The following TRAPPC8 variants were observed in gnomAD, a reference collection of about 807,000 sequenced individuals.
TRAPPC8 encodes trafficking protein particle complex subunit 8.
TRAPPC8 carries 54 observed loss-of-function variants against 174.3 expected under a neutral mutation model. The ratio of observed to expected loss-of-function variants is 0.31; its 90% CI spans 0.25 to 0.39. The LOEUF (loss-of-function observed/expected upper bound fraction) is 0.39. Ranked by LOEUF, TRAPPC8 falls within the 10% of genes least tolerant of loss-of-function variation. The pLI, the probability that TRAPPC8 is intolerant of heterozygous loss-of-function variation, is 1.00. For missense variants in TRAPPC8, 1,531 were observed against 1,699.1 expected, an observed-to-expected ratio of 0.90 and a Z score of 1.74; for synonymous variants, 630 against 579.9, an observed-to-expected ratio of 1.09 and a Z score of -1.24.
chr18:31,931,866 G>A (rs1436208850), intron 1 of TRAPPC8, among the ~76,000 whole-genome samples: 3 of 152,174 alleles, frequency 2.0e-5, no homozygotes, highest in African/African-American at 7.2e-5. Context: ...CCAAGGCAGC[G>A]TAAGGTCTAT....
intron 1 of TRAPPC8, among the ~76,000 whole-genome samples, chr18:31,936,295 C>CA (rs35609965): frequency 7.3e-5 from 11 of 151,218 alleles, no homozygotes; most frequent in Non-Finnish European, 1.3e-4. Flanking sequence ...CCCATCTCTA[C>CA]AAAAAAAATT....
Position 31,920,706 on chromosome 18 carries a change from G to A in TRAPPC8, c.353-3039C>T, listed in dbSNP as rs572031859. 1.4e-4 allele frequency among the ~76,000 whole-genome samples: 21 copies of A among 152,150 alleles called. 1 individual carries two copies. The South Asian group carries it at 2.3e-3, about 17-fold the overall frequency. ...TGTAATCCCAACACTTTGGGAGGCC[G>A]AGGCAGGCGGATCACCTGACGTCAG... On this transcript the variant is annotated intron_variant, in intron 2 of 28. Transcript: ENST00000283351.
At chr18:31,932,887 C>T (rs1051391578) in intron 1 of TRAPPC8, among the ~76,000 whole-genome samples, 2 of 149,352 alleles carry the variant, frequency 1.3e-5, no homozygotes, top group South Asian at 4.2e-4. Flanking sequence ...GACGCTGAGG[C>T]AGGAGAATCA....
chr18:31,919,386 A>T (rs1220210807), intron 2 of TRAPPC8, among the ~76,000 whole-genome samples: 1 of 151,800 alleles, frequency 6.6e-6, no homozygotes, highest in Non-Finnish European at 1.5e-5. Context: ...TACAAAAATT[A>T]GCCAGGCATG....
chr18:31,903,427 T>A (rs552886135), intron 9 of TRAPPC8, among the ~76,000 whole-genome samples: 1 of 152,334 alleles, frequency 6.6e-6, no homozygotes, highest in East Asian at 1.9e-4. Context: ...CTTTGGGTTA[T>A]GGTGTATATA....
At chr18:31,850,306 A>G (rs1054051375) in intron 24 of TRAPPC8, among the ~76,000 whole-genome samples, 19 of 152,322 alleles carry the variant, frequency 1.2e-4, no homozygotes, top group African/African-American at 4.3e-4. Flanking sequence ...CTACGCTCCC[A>G]TAACATTAGC....
chr18:31,861,296 T>TC (rs1366615743), intron 19 of TRAPPC8, among the ~76,000 whole-genome samples: 1 of 152,152 alleles, frequency 6.6e-6, no homozygotes, highest in African/African-American at 2.4e-5. Flanking sequence ...TAAAATACCC[T>TC]CTTCAAGAAC....
At chr18:31,846,908 T>G in intron 25 of TRAPPC8, 91 bp from the exon 26 acceptor site, 1 of 763,334 alleles carries the variant, frequency 1.3e-6, no homozygotes, top group South Asian at 2.3e-5. Flanking sequence ...GGAAATAATA[T>G]GGCCAATATC....
rs543693430 is a variant in TRAPPC8, at chr18:31,873,646, T to C, written c.1954-108A>G. Reference sequence around the variant, plus strand: ...GCATTAAAAATATGTTAAGCAAGAATATTAAGATATGTAATTACTAGTTTT... The same window carrying C: ...GCATTAAAAATATGTTAAGCAAGAACATTAAGATATGTAATTACTAGTTTT... On this transcript the variant is annotated intron_variant, in intron 13 of 28. Coordinates refer to ENST00000283351, the MANE Select transcript of TRAPPC8 (RefSeq NM_014939.5). 1.8e-4 allele frequency: 129 copies of C among 699,596 alleles called. No individual in the cohort carries two copies. The South Asian group carries it at 2.5e-3, about 14-fold the overall frequency. 43.3% of individuals were successfully genotyped at this position (699,596 alleles called of 1,614,324 possible). A position where few individuals can be genotyped will look rare whatever the true frequency, so the allele number is the denominator to read the frequency against.
At chr18:31,922,147 CCTT>C (rs2037417517) in intron 2 of TRAPPC8, among the ~76,000 whole-genome samples, 1 of 152,118 alleles carries the variant, frequency 6.6e-6, no homozygotes, top group African/African-American at 2.4e-5. Context: ...AGAGGACAAG[CCTT>C]CTCTGTATCT....
chr18:31,907,489 G>T lies in TRAPPC8; in HGVS notation c.1360C>A (p.Gln454Lys). 2.5e-6 allele frequency: 4 copies of T among 1,602,482 alleles called. No homozygotes were observed. Among genetic ancestry groups the T allele is most frequent in the Non-Finnish European group, 3.4e-6 (4 of 1,173,016 alleles). ...GCACCAGCTGCATAAAGCATTGCTT[G>T]ATCATTAAGAAAATCTTTCTTTGCA... is the stretch of plus-strand genomic sequence containing the variant. ...HTAKKDFLND[Q>K]AMLYAAGALE... The change falls in exon 9 of 29, where the codon CAA becomes AAA. Residue 454 changes from glutamine (Q) to lysine (K), a missense_variant. Gln to Lys is a moderately conservative substitution (Grantham distance 53). Transcript: ENST00000283351.
At position 31,872,848 on chromosome 18, in the gene TRAPPC8, TAAC is replaced by T. The variant is rs1171975340; in HGVS notation, c.2062+579_2062+581del. On this transcript the variant is annotated intron_variant, in intron 14 of 28. Coordinates refer to ENST00000283351, the MANE Select transcript of TRAPPC8 (RefSeq NM_014939.5). The stretch of plus-strand genomic sequence containing the variant: ...TTAAACGTTTATGAAGATTATATAA[TAAC>T]AAAAGCATTCTTTAAGTGAGAAAAG... Among the ~76,000 whole-genome samples, 6 of 152,264 alleles carry T rather than the reference TAAC, an allele frequency of 3.9e-5. No individual in the cohort carries two copies. In the South Asian group the frequency reaches 8.3e-4, roughly 21 times the overall value.
chr18:31,857,117 T>C (rs1197826614), intron 20 of TRAPPC8, among the ~76,000 whole-genome samples: 2 of 152,202 alleles, frequency 1.3e-5, no homozygotes, highest in Non-Finnish European at 2.9e-5. Flanking sequence ...TTTTCATACA[T>C]TCTTGTGGGG....
At chr18:31,921,610 C>T (rs1271998692) in intron 2 of TRAPPC8, among the ~76,000 whole-genome samples, 2 of 146,362 alleles carry the variant, frequency 1.4e-5, no homozygotes, top group East Asian at 2.0e-4. Context: ...CAGAGCGAGA[C>T]TCCGTCTCAA....
rs2032310623 is a variant in TRAPPC8, at chr18:31,830,744, T to C, written c.*11A>G. On this transcript the variant is annotated 3_prime_UTR_variant, in exon 29 of 29. Transcript: ENST00000283351. ...TGATTATTGTGGATTTCAGTACAAATTTCCAAGTTGTCACACATTACTGAT... is the reference window on the plus strand; with the variant it reads ...TGATTATTGTGGATTTCAGTACAAACTTCCAAGTTGTCACACATTACTGAT... 2 of 1,605,744 alleles carry C rather than the reference T, an allele frequency of 1.2e-6. No individual in the cohort carries two copies. The highest frequency in any genetic ancestry group is 1.7e-6 in the Non-Finnish European group (2 of 1,173,880).
rs1173951203 is a variant in TRAPPC8 at position 31,852,475 on chromosome 18, A to C, written c.3532T>G (p.Phe1178Val). 4.3e-6 allele frequency: 7 copies of C among 1,614,076 alleles called. No individual in the cohort carries two copies. The highest frequency in any genetic ancestry group is 5.1e-6 in the Non-Finnish European group (6 of 1,180,044). Residue 1178 changes from phenylalanine (F) to valine (V), a missense_variant, in exon 24 of 29, where the codon TTT (phenylalanine) becomes GTT (valine). Transcript: ENST00000283351. Reference sequence around the variant, plus strand: ...TCATTTCCAAAGATGATATCTGCAAAGGTATATTTTTCAGAGGACTGTGTG... The same window carrying C: ...TCATTTCCAAAGATGATATCTGCAACGGTATATTTTTCAGAGGACTGTGTG... ...AATQSSEKYT[F>V]ADIIFGNEQI...
At chr18:31,898,005 T>TA (rs1256256057) in intron 10 of TRAPPC8, 114 bp from the exon 11 acceptor site, 2 of 901,614 alleles carry the variant, frequency 2.2e-6, no homozygotes, top group Non-Finnish European at 3.3e-6. Flanking sequence ...TGCAGGGAGA[T>TA]GGTTCCAGGA....
chr18:31,900,963 G>GT lies in TRAPPC8; in HGVS notation c.1451dup (p.Tyr484Ter). Reference sequence around the variant, plus strand: ...TGTATGTCTGAATTGCTGTATCCATGTAATGAGCAGGATATGGCCTAGGTG... The same window carrying GT: ...TGTATGTCTGAATTGCTGTATCCATGTTAATGAGCAGGATATGGCCTAGGTG... ...PGAPRPYPAHYMDTAIQTYRD... is the reference protein window; with the variant it reads ...PGAPRPYPAH The change falls in exon 10 of 29, where the codon TAC becomes TAAC. Residue 484 changes from tyrosine (Y) to a stop codon, truncating the protein, a stop_gained and frameshift_variant. Coordinates refer to ENST00000283351, the MANE Select transcript of TRAPPC8 (RefSeq NM_014939.5). LOFTEE classifies it high-confidence loss of function. 6.3e-7 allele frequency: 1 copy of GT among 1,595,630 alleles called. No individual in the cohort carries two copies. Among genetic ancestry groups the GT allele is most frequent in the Non-Finnish European group, 8.5e-7 (1 of 1,175,000 alleles).
In TRAPPC8 at chr18:31,928,659, A is replaced by C. The variant is rs185871779; in HGVS notation, c.352+2670T>G. ...ACCAGGTATGCCACAGCTCTATTAC[A>C]ATGTATTGTTGATATTAACGTATTA... On this transcript the variant is annotated intron_variant, in intron 2 of 28. Transcript: ENST00000283351. 1.4e-3 allele frequency among the ~76,000 whole-genome samples: 207 copies of C among 152,286 alleles called. 1 individual carries two copies. The highest frequency in any genetic ancestry group is 4.7e-3 in the African/African-American group (194 of 41,570).
Sources: allele counts gnomAD v4.1 joint callset (sites outside exome capture counted in the v4.1 genomes callset), GRCh38; gene constraint gnomAD v4.1.1; transcripts MANE v1.5; gene names NCBI Gene and HGNC (gene_info 2026-07-23, HGNC 2026-07-21).